SKIC3: variants seen among roughly 807,000 people sequenced by gnomAD.
The protein encoded by SKIC3 is SKI3 subunit of superkiller complex, also known as superkiller complex protein 3.
chr5:95,470,215 T>A, the SKIC3 span, among the ~76,000 whole-genome samples: 1 of 152,246 alleles, frequency 6.6e-6, no homozygotes, highest in East Asian at 1.9e-4. Context: ...CCTGACCTCG[T>A]GATCCGCCCA....
the SKIC3 span, chr5:95,495,014 C>T: frequency 6.2e-7 from 1 of 1,613,540 alleles, no homozygotes; most frequent in Non-Finnish European, 8.5e-7. Flanking sequence ...GCTACAACAC[C>T]TCCCTAGAAC....
chr5:95,547,333 G>C, the SKIC3 span, among the ~76,000 whole-genome samples: 1 of 152,064 alleles, frequency 6.6e-6, no homozygotes, highest in African/African-American at 2.4e-5. Context: ...GTACTCAAAT[G>C]TCACTTCCTC....
At chr5:95,473,473 G>A in the SKIC3 span, among the ~76,000 whole-genome samples, 1 of 152,090 alleles carries the variant, frequency 6.6e-6, no homozygotes, top group East Asian at 1.9e-4. Flanking sequence ...ATGGGATTTT[G>A]CCAAGTTGTC....
chr5:95,470,367 T>C, the SKIC3 span, among the ~76,000 whole-genome samples: 2 of 152,214 alleles, frequency 1.3e-5, no homozygotes, highest in African/African-American at 4.8e-5. Flanking sequence ...ATTTAAGATC[T>C]GATCCCTGCT....
At chr5:95,469,440 T>C in the SKIC3 span, among the ~76,000 whole-genome samples, 1 of 152,228 alleles carries the variant, frequency 6.6e-6, no homozygotes, top group East Asian at 1.9e-4. Context: ...TTTGGTTTTG[T>C]TTGTTTCTAG....
chr5:95,523,389 G>A, the SKIC3 span: 1 of 1,504,280 alleles, frequency 6.6e-7, no homozygotes, highest in Non-Finnish European at 9.1e-7. Context: ...GAACGCTCAT[G>A]TAAAGTACAC....
At chr5:95,541,224 C>T in the SKIC3 span, 1 of 1,366,720 alleles carries the variant, frequency 7.3e-7, no homozygotes, top group Non-Finnish European at 1.0e-6. Context: ...CCTCAGCCTC[C>T]CAAAGTGCTG....
the SKIC3 span, chr5:95,520,602 G>A: frequency 7.4e-6 from 6 of 805,778 alleles, no homozygotes; most frequent in African/African-American, 1.1e-4. Flanking sequence ...TATTCTTTAT[G>A]TTTGACATTC....
the SKIC3 span, chr5:95,529,268 T>C: frequency 4.3e-6 from 3 of 699,850 alleles, no homozygotes; most frequent in African/African-American, 5.3e-5. Flanking sequence ...CCACCATACA[T>C]TTTTCTCCAT....
At chr5:95,535,500 C>T in the SKIC3 span, among the ~76,000 whole-genome samples, 2 of 151,528 alleles carry the variant, frequency 1.3e-5, no homozygotes, top group South Asian at 2.1e-4. Context: ...TTAGTAGAGA[C>T]GCGGTTTCAC....
the SKIC3 span, chr5:95,516,471 A>T: frequency 6.2e-7 from 1 of 1,612,508 alleles, no homozygotes; most frequent in Non-Finnish European, 8.5e-7. Flanking sequence ...AGTCTCAGAA[A>T]ATTAGTAATA....
the SKIC3 span, among the ~76,000 whole-genome samples, chr5:95,466,257 G>C: frequency 2.6e-5 from 4 of 152,160 alleles, no homozygotes; most frequent in Non-Finnish European, 5.9e-5. Flanking sequence ...GAGAAGTAGA[G>C]TAGAAACTGT....
the SKIC3 span, among the ~76,000 whole-genome samples, chr5:95,466,218 T>C: frequency 6.6e-6 from 1 of 152,218 alleles, no homozygotes. Flanking sequence ...CATATATATT[T>C]ATATATTTAG....
chr5:95,512,029 G>C, the SKIC3 span, among the ~76,000 whole-genome samples: 1 of 152,180 alleles, frequency 6.6e-6, no homozygotes, highest in Non-Finnish European at 1.5e-5. Flanking sequence ...AAGGCACTGG[G>C]TTTGGCACTT....
chr5:95,529,302 C>G, the SKIC3 span: 1 of 619,792 alleles, frequency 1.6e-6, no homozygotes, highest in Non-Finnish European at 2.9e-6. Context: ...CAGACCTCCA[C>G]CATCTTTATC....
the SKIC3 span, among the ~76,000 whole-genome samples, chr5:95,543,503 T>C: frequency 6.6e-6 from 1 of 152,174 alleles, no homozygotes; most frequent in African/African-American, 2.4e-5. Flanking sequence ...AGTTGGACTG[T>C]AGGAGTGACC....
the SKIC3 span, among the ~76,000 whole-genome samples, chr5:95,498,054 C>T: frequency 1.3e-5 from 2 of 151,954 alleles, no homozygotes; most frequent in African/African-American, 4.8e-5. Flanking sequence ...TTACTAAAAC[C>T]ATCAATCTAG....
the SKIC3 span, chr5:95,516,954 T>C: frequency 1.2e-6 from 2 of 1,612,254 alleles, no homozygotes; most frequent in Non-Finnish European, 1.7e-6. Context: ...AGATCATTCA[T>C]GTTGCTGCCT....
At chr5:95,518,899 G>T in the SKIC3 span, among the ~76,000 whole-genome samples, 66 of 152,028 alleles carry the variant, frequency 4.3e-4, no homozygotes, top group African/African-American at 1.5e-3. Flanking sequence ...GTTCTCCACA[G>T]TGGCTACACT....
Sources: gnomAD v4.1 joint callset for allele counts (sites outside exome capture counted in the v4.1 genomes callset) on GRCh38, gnomAD v4.1.1 for gene constraint, MANE v1.5 for transcripts, NCBI Gene and HGNC (gene_info 2026-07-23, HGNC 2026-07-21) for gene names.